CRADD: variants seen among roughly 807,000 people sequenced by gnomAD.
CRADD encodes the protein CARD and death domain containing adaptor protein.
Under a neutral mutation model 15.5 loss-of-function variants are expected in CRADD, and 9 were observed. The observed-to-expected ratio is 0.58, with a 90% CI of 0.35 to 1.01. CRADD has a LOEUF of 1.01. Ranked by LOEUF, CRADD falls within the 50% of genes least tolerant of loss-of-function variation. The pLI, the probability that CRADD is intolerant of heterozygous loss-of-function variation, is 0.02. For missense variants in CRADD, 227 were observed against 250.3 expected, an observed-to-expected ratio of 0.91 and a Z score of 0.63; for synonymous variants, 118 against 107.6, an observed-to-expected ratio of 1.10 and a Z score of -0.60.
In CRADD at chr12:93,741,572, C is replaced by T. The variant is rs111934122; in HGVS notation, c.298+62500C>T. Among the ~76,000 whole-genome samples the T allele has an allele frequency of 8.9e-3, 1,357 of 152,314 alleles. 28 individuals carry two copies. The highest frequency in any genetic ancestry group is 0.031 in the African/African-American group (1,300 of 41,566). ...AAAATTCTTTAAATATGAAAGTTAACATGACAGGAAAGTGGAATACACTCT... is the reference window on the plus strand; with the variant it reads ...AAAATTCTTTAAATATGAAAGTTAATATGACAGGAAAGTGGAATACACTCT... On this transcript the variant is annotated intron_variant, in intron 2 of 2. Transcript: ENST00000332896.
chr12:93,748,529 A>T lies in CRADD; in HGVS notation c.298+69457A>T, dbSNP rs143158435. 2.0e-5 allele frequency among the ~76,000 whole-genome samples: 3 copies of T among 152,140 alleles called. No individual in the cohort carries two copies. In the East Asian group the frequency reaches 5.8e-4, roughly 29 times the overall value. Reference sequence around the variant, plus strand: ...TCTGTGTTGGTCAGGCTGGTCTCGAACTCCCAACCTCGGATGATCCTCCCG... The same window carrying T: ...TCTGTGTTGGTCAGGCTGGTCTCGATCTCCCAACCTCGGATGATCCTCCCG... On this transcript the variant is annotated intron_variant, in intron 2 of 2. Coordinates refer to ENST00000332896, the MANE Select transcript of CRADD (RefSeq NM_003805.5).
intron 2 of CRADD, among the ~76,000 whole-genome samples, chr12:93,729,592 C>T (rs1312564262): frequency 6.6e-6 from 1 of 151,986 alleles, no homozygotes; most frequent in Non-Finnish European, 1.5e-5. Flanking sequence ...TTGAGACCAG[C>T]CTGACCAACA....
At chr12:93,820,277 G>A (rs1957754751) in intron 2 of CRADD, among the ~76,000 whole-genome samples, 1 of 152,170 alleles carries the variant, frequency 6.6e-6, no homozygotes, top group Admixed American at 6.5e-5. Flanking sequence ...CTGCCCCATG[G>A]CTAGAAAACC....
intron 2 of CRADD, among the ~76,000 whole-genome samples, chr12:93,791,201 G>A (rs185651262): frequency 5.3e-5 from 8 of 152,068 alleles, no homozygotes; most frequent in Admixed American, 2.0e-4. Context: ...TTGGTATATC[G>A]AAGAGATAGC....
downstream of CRADD, among the ~76,000 whole-genome samples, chr12:93,855,188 G>A (rs541261297): frequency 1.8e-4 from 27 of 151,860 alleles, no homozygotes; most frequent in East Asian, 3.9e-4. Flanking sequence ...GCAAAACTCC[G>A]TCTTAAAAAA....
chr12:93,788,199 G>A (rs960126546), intron 2 of CRADD, among the ~76,000 whole-genome samples: 3 of 152,190 alleles, frequency 2.0e-5, no homozygotes, highest in African/African-American at 7.2e-5. Flanking sequence ...TCAGGCTGGG[G>A]AGGCCTCGGG....
intron 2 of CRADD, among the ~76,000 whole-genome samples, chr12:93,812,229 A>G (rs1957636183): frequency 6.6e-6 from 1 of 152,208 alleles, no homozygotes; most frequent in South Asian, 2.1e-4. Context: ...ACTAGAGAAC[A>G]TACTGTAGTG....
chr12:93,750,472 G>T (rs1296221784), intron 2 of CRADD, among the ~76,000 whole-genome samples: 2 of 152,042 alleles, frequency 1.3e-5, no homozygotes, highest in Non-Finnish European at 2.9e-5. Context: ...TAACTCTAAA[G>T]GTTTTGTTTT....
chr12:93,736,119 C>CT (rs1212278109), intron 2 of CRADD, among the ~76,000 whole-genome samples: 2 of 152,030 alleles, frequency 1.3e-5, no homozygotes, highest in Non-Finnish European at 2.9e-5. Context: ...TTAAGCTCCC[C>CT]TTTTTTTGCT....
chr12:93,738,460 C>G (rs1308276038), intron 2 of CRADD: 2 of 702,194 alleles, frequency 2.8e-6, no homozygotes, highest in East Asian at 5.4e-5. Flanking sequence ...ATGAAGTCTA[C>G]CCAGAAGAGC....
At chr12:93,781,674 C>G (rs1051755576) in intron 2 of CRADD, among the ~76,000 whole-genome samples, 1 of 152,230 alleles carries the variant, frequency 6.6e-6, no homozygotes, top group African/African-American at 2.4e-5. Flanking sequence ...CCCACATCCC[C>G]TCCCTCAACG....
intron 2 of CRADD, among the ~76,000 whole-genome samples, chr12:93,843,881 T>C (rs977630928): frequency 2.4e-4 from 37 of 151,798 alleles, no homozygotes; most frequent in African/African-American, 8.7e-4. Flanking sequence ...CCACCATACC[T>C]GGCTAATTTT....
At chr12:93,860,544 G>A (rs1439789938) in intron 2 of CRADD, among the ~76,000 whole-genome samples, 2 of 152,150 alleles carry the variant, frequency 1.3e-5, no homozygotes, top group African/African-American at 2.4e-5. Context: ...CCAGGCAAAG[G>A]AGTAGTACTG....
intron 2 of CRADD, among the ~76,000 whole-genome samples, chr12:93,755,092 G>A (rs1956873777): frequency 6.6e-6 from 1 of 152,148 alleles, no homozygotes. Flanking sequence ...GCATGTGAAG[G>A]GGAATGGCCC....
At chr12:93,761,434 T>A (rs1399827739) in intron 2 of CRADD, among the ~76,000 whole-genome samples, 1 of 152,056 alleles carries the variant, frequency 6.6e-6, no homozygotes, top group Non-Finnish European at 1.5e-5. Flanking sequence ...GGAGAAGTGG[T>A]CACTTTCAGG....
At chr12:93,808,354 C>T (rs1957571734) in intron 2 of CRADD, among the ~76,000 whole-genome samples, 1 of 152,052 alleles carries the variant, frequency 6.6e-6, no homozygotes. Flanking sequence ...GCAAGGAGAG[C>T]CTGTGCAGGG....
At chr12:93,894,297 G>T in exon 3 of CRADD, 1 of 602,692 alleles carries the variant, frequency 1.7e-6, no homozygotes, top group South Asian at 1.9e-5. Context: ...GATTATGTTG[G>T]CATCTAGTGA....
At chr12:93,725,098 G>A (rs1368519337) in intron 2 of CRADD, among the ~76,000 whole-genome samples, 1 of 152,082 alleles carries the variant, frequency 6.6e-6, no homozygotes, top group African/African-American at 2.4e-5. Context: ...CTGACCTCGT[G>A]ATTCGCCTGC....
intron 2 of CRADD, among the ~76,000 whole-genome samples, chr12:93,841,029 T>C (rs1958040981): frequency 6.6e-6 from 1 of 152,134 alleles, no homozygotes; most frequent in African/African-American, 2.4e-5. Context: ...TAAAGAAATA[T>C]TTTTTTCAAA....
Sources: gnomAD v4.1 joint callset for allele counts (sites outside exome capture counted in the v4.1 genomes callset) on GRCh38, gnomAD v4.1.1 for gene constraint, MANE v1.5 for transcripts, NCBI Gene and HGNC (gene_info 2026-07-23, HGNC 2026-07-21) for gene names.